Variants in CPOX observed in about 807,000 individuals in gnomAD.
CPOX encodes coproporphyrinogen oxidase, also known as oxygen-dependent coproporphyrinogen-III oxidase, mitochondrial.
Under a neutral mutation model 48.9 loss-of-function variants are expected in CPOX, and 24 were observed. The observed-to-expected ratio is 0.49, with a 90% CI of 0.36 to 0.69. The LOEUF is 0.69. CPOX is among the 30% of genes least tolerant of loss of function. The probability of loss-of-function intolerance (pLI) is 0.00; values close to 1 mark genes in which losing one functional copy is unlikely to be tolerated. For missense variants in CPOX, 549 were observed against 597.3 expected (o/e 0.92, Z 0.84); for synonymous variants, 249 against 234.6 (o/e 1.06, Z -0.56).
chr3:98,582,998 G>A (rs1471721225), intron 5 of CPOX, among the ~76,000 whole-genome samples: 3 of 152,076 alleles, frequency 2.0e-5, no homozygotes, highest in Non-Finnish European at 4.4e-5. Flanking sequence ...TAAGACCATG[G>A]AAAATAATTT....
downstream of CPOX, among the ~76,000 whole-genome samples, chr3:98,578,762 C>T (rs7630965): frequency 1.3e-5 from 2 of 151,726 alleles, no homozygotes; most frequent in African/African-American, 4.8e-5. Flanking sequence ...CTGTCATTAG[C>T]AATAGTTATT....
chr3:98,572,684 A>G, the CPOX span, among the ~76,000 whole-genome samples: 1 of 152,176 alleles, frequency 6.6e-6, no homozygotes, highest in African/African-American at 2.4e-5. Context: ...GACAGTGTCC[A>G]TTAGTTTTCT....
At position 98,588,847 on chromosome 3, in the gene CPOX, C is replaced by T; in HGVS notation, c.819G>A (p.Lys273=). The change falls in exon 4 of 7, where the codon AAG becomes AAA. Residue 273 remains lysine (K), a synonymous_variant. Coordinates refer to ENST00000647941, the MANE Select transcript of CPOX (RefSeq NM_000097.7). The part of the protein sequence containing the change: ...YFEVEEADGN[K]QWWFGGGCDL... Reference sequence around the variant, plus strand: ...CACATCCACCACCAAACCACCACTGCTTGTTGCCTACCAAATCAAGACATG... The same window carrying T: ...CACATCCACCACCAAACCACCACTGTTTGTTGCCTACCAAATCAAGACATG... The T allele has an allele frequency of 1.2e-6, 2 of 1,614,170 alleles. No individual in the cohort carries two copies. Among genetic ancestry groups the T allele is most frequent in the Non-Finnish European group, 8.5e-7 (1 of 1,180,022 alleles).
rs957850337 is a variant in CPOX, at chr3:98,579,468, T to C, written c.*1215A>G. ...TTCTTAGTCTTATTTAATAATAAAATTTATTAGCAGATCTCTTGTAAGACA... is the reference window on the plus strand; with the variant it reads ...TTCTTAGTCTTATTTAATAATAAAACTTATTAGCAGATCTCTTGTAAGACA... On this transcript the variant is annotated 3_prime_UTR_variant, in exon 7 of 7. Coordinates refer to ENST00000647941, the MANE Select transcript of CPOX (RefSeq NM_000097.7). 1.9e-5 allele frequency: 16 copies of C among 824,100 alleles called. No homozygotes were observed. Among genetic ancestry groups the C allele is most frequent in the Admixed American group, 1.2e-4 (2 of 16,078 alleles). 51.0% of individuals were successfully genotyped at this position (824,100 alleles called of 1,614,324 possible).
chr3:98,580,918 T>C (rs1707247387), intron 6 of CPOX, 148 bp from the exon 7 acceptor site: 6 of 951,394 alleles, frequency 6.3e-6, no homozygotes, highest in Non-Finnish European at 9.2e-6. Flanking sequence ...ATGTGCCTTG[T>C]ACCAACTTGA....
intron 3 of CPOX, 141 bp from the exon 4 acceptor site, chr3:98,588,995 C>G (rs1295223330): frequency 1.0e-6 from 1 of 990,610 alleles, no homozygotes; most frequent in Non-Finnish European, 1.5e-6. Flanking sequence ...GATTTTAGCT[C>G]TGAAGACCAG....
rs572824216 is a variant in CPOX, at chr3:98,584,063, AAAAAC to A, written c.1172+1373_1172+1377del. On this transcript the variant is annotated intron_variant, in intron 5 of 6. Coordinates refer to ENST00000647941, the MANE Select transcript of CPOX (RefSeq NM_000097.7). Reference sequence around the variant, plus strand: ...ATGATCTGCCATCAAACGATGTATAAAAAACAAAACAAAACCGCAAAACAAACCAT... The same window carrying A: ...ATGATCTGCCATCAAACGATGTATAAAAAACAAAACCGCAAAACAAACCAT... Among the ~76,000 whole-genome samples, 210 of 152,348 alleles carry A rather than the reference AAAAAC, an allele frequency of 1.4e-3. 1 individual carries two copies. The highest frequency in any genetic ancestry group is 4.7e-3 in the African/African-American group (196 of 41,584).
chr3:98,571,864 GGAGTTTT>G, the CPOX span, among the ~76,000 whole-genome samples: 1 of 152,004 alleles, frequency 6.6e-6, no homozygotes, highest in African/African-American at 2.4e-5. Flanking sequence ...ACAAGATGTT[GGAGTTTT>G]TAGTTTTTTA....
chr3:98,585,414 G>A, intron 5 of CPOX, 27 bp downstream of exon 5: 2 of 1,592,712 alleles, frequency 1.3e-6, no homozygotes, highest in South Asian at 2.2e-5. Context: ...ACTTAGCCAT[G>A]AAAGAATTCG....
intron 5 of CPOX, 123 bp downstream of exon 5, chr3:98,585,318 C>T: frequency 2.5e-6 from 2 of 811,590 alleles, no homozygotes; most frequent in South Asian, 2.8e-5. Flanking sequence ...ACTTAATATT[C>T]ATCTATGAAA....
chr3:98,584,080 G>T (rs1559675279), intron 5 of CPOX, among the ~76,000 whole-genome samples: 1 of 152,092 alleles, frequency 6.6e-6, no homozygotes, highest in African/African-American at 2.4e-5. Flanking sequence ...AAACAAAACC[G>T]CAAAACAAAC....
At position 98,580,354 on chromosome 3, in the gene CPOX, CAAGAT is replaced by C. The variant is rs1707230058; in HGVS notation, c.*324_*328del. On this transcript the variant is annotated 3_prime_UTR_variant, in exon 7 of 7. Transcript: ENST00000647941. ...CTTTAAAAAATACATGAAACAAAAA[CAAGAT>C]GAGAGATTTCCTGATACATATAATA... The C allele has an allele frequency of 9.9e-7, 1 of 1,011,914 alleles. No individual in the cohort carries two copies. Among genetic ancestry groups the C allele is most frequent in the South Asian group, 4.4e-5 (1 of 22,884 alleles). 62.7% of individuals were successfully genotyped at this position (1,011,914 alleles called of 1,614,324 possible).
the CPOX span, among the ~76,000 whole-genome samples, chr3:98,573,625 C>T: frequency 2.0e-5 from 3 of 152,094 alleles, no homozygotes; most frequent in Non-Finnish European, 4.4e-5. Flanking sequence ...TCTGCTCCAC[C>T]TACTGGTTCT....
chr3:98,574,617 C>T (rs998720944), downstream of CPOX, among the ~76,000 whole-genome samples: 5 of 152,124 alleles, frequency 3.3e-5, no homozygotes, highest in African/African-American at 9.7e-5. Context: ...AGTTTCGCGC[C>T]GTCGCGCAGG....
At chr3:98,571,532 C>CA in the CPOX span, among the ~76,000 whole-genome samples, 2 of 146,410 alleles carry the variant, frequency 1.4e-5, no homozygotes, top group African/African-American at 2.7e-5. Context: ...ACTAAAAATA[C>CA]AAAAAATTAG....
chr3:98,575,657 T>C (rs950794922), downstream of CPOX, among the ~76,000 whole-genome samples: 5 of 147,756 alleles, frequency 3.4e-5, no homozygotes, highest in Non-Finnish European at 7.4e-5. Context: ...TAGCCGGGTG[T>C]GCTGGCTCAT....
Position 98,593,160 on chromosome 3 carries a change from CCTCCCCAG to C in CPOX, c.337_344del (p.Leu113AlafsTer7). ...CCAGCTCATCCTCCTCCTCCTCCGG[CCTCCCCAG>C]CGAAGTGGCCCGCGTCCCCGAGGTC... On this transcript the variant is annotated frameshift_variant, in exon 1 of 7. Coordinates refer to ENST00000647941, the MANE Select transcript of CPOX (RefSeq NM_000097.7). LOFTEE classifies it high-confidence loss of function. The C allele has an allele frequency of 6.2e-7, 1 of 1,611,898 alleles. No homozygotes were observed. The highest frequency in any genetic ancestry group is 8.5e-7 in the Non-Finnish European group (1 of 1,179,494).
intron 6 of CPOX, among the ~76,000 whole-genome samples, chr3:98,581,206 T>C (rs780773532): frequency 6.6e-6 from 1 of 152,166 alleles, no homozygotes; most frequent in African/African-American, 2.4e-5. Context: ...CTTGCCCTCA[T>C]AGAGCTGTGG....
At chr3:98,584,699 T>G (rs1707325913) in intron 5 of CPOX, among the ~76,000 whole-genome samples, 1 of 152,192 alleles carries the variant, frequency 6.6e-6, no homozygotes, top group Non-Finnish European at 1.5e-5. Flanking sequence ...CAGCAGGCTG[T>G]ATAACTTGGA....
Sources: gnomAD v4.1 joint callset for allele counts (sites outside exome capture counted in the v4.1 genomes callset) on GRCh38, gnomAD v4.1.1 for gene constraint, MANE v1.5 for transcripts, NCBI Gene and HGNC (gene_info 2026-07-23, HGNC 2026-07-21) for gene names.